Variants in IPCEF1 observed in about 807,000 individuals in gnomAD.
The protein encoded by IPCEF1 is interactor protein for cytohesin exchange factors 1.
A neutral mutation model predicts 50.9 loss-of-function variants in IPCEF1; 31 were observed. The ratio of observed to expected loss-of-function variants is 0.61; its 90% CI spans 0.46 to 0.82. IPCEF1 has a LOEUF of 0.82. Ranked by LOEUF, IPCEF1 falls within the 40% of genes least tolerant of loss-of-function variation. IPCEF1 has a pLI of 0.00. For missense variants in IPCEF1, 458 were observed against 514.0 expected (o/e 0.89, Z 1.05); for synonymous variants, 181 against 192.0 (o/e 0.94, Z 0.47).
chr6:154,193,709 T>C (rs1438925739), intron 10 of IPCEF1, among the ~76,000 whole-genome samples: 2 of 152,204 alleles, frequency 1.3e-5, no homozygotes, highest in Non-Finnish European at 2.9e-5. Flanking sequence ...GACCACATGA[T>C]AAGCAAAACA....
chr6:154,296,453 T>C (rs928140301), intron 1 of IPCEF1, among the ~76,000 whole-genome samples: 1 of 152,190 alleles, frequency 6.6e-6, no homozygotes, highest in Non-Finnish European at 1.5e-5. Context: ...TAGAGATTCA[T>C]TTTTGGCAAC....
intron 1 of IPCEF1, among the ~76,000 whole-genome samples, chr6:154,312,800 C>T (rs977943174): frequency 2.6e-5 from 4 of 152,018 alleles, no homozygotes; most frequent in Admixed American, 2.0e-4. Flanking sequence ...TGAGGTAACA[C>T]ATATGTTAAT....
At chr6:154,321,295 G>A (rs2128687383) in intron 1 of IPCEF1, among the ~76,000 whole-genome samples, 1 of 152,070 alleles carries the variant, frequency 6.6e-6, no homozygotes, top group African/African-American at 2.4e-5. Context: ...TAATTCTGAT[G>A]CTTCAAATAT....
intron 1 of IPCEF1, among the ~76,000 whole-genome samples, chr6:154,326,232 A>G (rs1050441675): frequency 1.3e-5 from 2 of 151,922 alleles, no homozygotes; most frequent in African/African-American, 2.4e-5. Flanking sequence ...AAAAAAAAAA[A>G]AAAAGAAAAG....
chr6:154,276,053 A>G (rs1197406258), intron 2 of IPCEF1, among the ~76,000 whole-genome samples: 5 of 152,082 alleles, frequency 3.3e-5, no homozygotes, highest in African/African-American at 4.8e-5. Flanking sequence ...CCATGGTGGC[A>G]GGTGCCTGTA....
intron 5 of IPCEF1, among the ~76,000 whole-genome samples, chr6:154,241,172 G>T (rs1433252137): frequency 1.3e-5 from 2 of 149,514 alleles, no homozygotes; most frequent in Non-Finnish European, 3.0e-5. Flanking sequence ...GGAGGCGGAG[G>T]TTGCAGTGAG....
intron 5 of IPCEF1, among the ~76,000 whole-genome samples, chr6:154,235,531 CAAAA>C (rs34877577): frequency 1.0e-5 from 1 of 97,586 alleles, no homozygotes; most frequent in African/African-American, 3.7e-5. Flanking sequence ...AACTCTGTCA[CAAAA>C]AAAAAAAAAA....
intron 1 of IPCEF1, among the ~76,000 whole-genome samples, chr6:154,322,688 T>C (rs1490040600): frequency 6.6e-6 from 1 of 151,744 alleles, no homozygotes; most frequent in East Asian, 1.9e-4. Context: ...AATACAAAAA[T>C]TAGCTGGGCA....
rs190766284 is a variant in IPCEF1 at position 154,167,768 on chromosome 6, A to G, written c.1104+152T>C. 1.3e-5 allele frequency: 7 copies of G among 557,732 alleles called. No individual in the cohort carries two copies. In the Admixed American group the frequency reaches 1.6e-4, roughly 13 times the overall value. 34.5% of individuals were successfully genotyped at this position (557,732 alleles called of 1,614,324 possible). A position where few individuals can be genotyped will look rare whatever the true frequency, so the allele number is the denominator to read the frequency against. On this transcript the variant is annotated intron_variant, in intron 11 of 11. Transcript: ENST00000367220. ...ATGTCCTAGTGCTTTAAGAACGTCA[A>G]GATCATCTTGCCCTATAAAGGTTAT...
At chr6:154,201,525 A>G (rs1262011019) in intron 9 of IPCEF1, among the ~76,000 whole-genome samples, 1 of 152,224 alleles carries the variant, frequency 6.6e-6, no homozygotes, top group Non-Finnish European at 1.5e-5. Flanking sequence ...ACAGCAGACA[A>G]GGTAGAGAAG....
At chr6:154,266,216 G>A (rs1781750170) in intron 2 of IPCEF1, among the ~76,000 whole-genome samples, 1 of 151,820 alleles carries the variant, frequency 6.6e-6, no homozygotes, top group Non-Finnish European at 1.5e-5. Flanking sequence ...GTGAGACCCT[G>A]TCCCTAAAAG....
chr6:154,285,625 T>C lies in IPCEF1; in HGVS notation c.-18+4088A>G, dbSNP rs75803341. On this transcript the variant is annotated intron_variant, in intron 2 of 11. Transcript: ENST00000367220. ...ATTCTTTCAGCTAGTTCCTTTTTTG[T>C]AATCTAGTTGTCCACATTCTTGTTC... Among the ~76,000 whole-genome samples the C allele has an allele frequency of 9.2e-3, 1,399 of 152,326 alleles. 55 individuals carry two copies. The East Asian group carries it at 0.11, about 12-fold the overall frequency.
chr6:154,349,753 G>GA (rs1225609588), intron 1 of IPCEF1, among the ~76,000 whole-genome samples: 4 of 151,808 alleles, frequency 2.6e-5, no homozygotes, highest in African/African-American at 4.8e-5. Flanking sequence ...GTCCAAATTT[G>GA]AAAAAATCTA....
chr6:154,352,717 C>T (rs942168290), intron 1 of IPCEF1, among the ~76,000 whole-genome samples: 1 of 152,202 alleles, frequency 6.6e-6, no homozygotes, highest in Admixed American at 6.5e-5. Context: ...TAAGGGACTC[C>T]ATGGTGACCT....
At chr6:154,226,934 C>T (rs1365816836) in intron 5 of IPCEF1, among the ~76,000 whole-genome samples, 1 of 152,222 alleles carries the variant, frequency 6.6e-6, no homozygotes, top group Non-Finnish European at 1.5e-5. Flanking sequence ...CAGTGGCTCA[C>T]GCCTGTAATC....
At position 154,160,529 on chromosome 6, in the gene IPCEF1, G is replaced by A. The variant is rs895231934; in HGVS notation, c.1105-489C>T. Among the ~76,000 whole-genome samples, 25 of 152,142 alleles carry A rather than the reference G, an allele frequency of 1.6e-4. 1 individual carries two copies. Among genetic ancestry groups the A allele is most frequent in the Admixed American group, 3.9e-4 (6 of 15,290 alleles). On this transcript the variant is annotated intron_variant, in intron 11 of 11. Transcript: ENST00000367220. ...TAATAAATCACATTTATTTAATACA[G>A]AATAAATACACAGATTATCTTTTCA...
At chr6:154,253,528 A>G (rs190782751) in intron 3 of IPCEF1, among the ~76,000 whole-genome samples, 1 of 152,340 alleles carries the variant, frequency 6.6e-6, no homozygotes, top group African/African-American at 2.4e-5. Context: ...CTACCTATTG[A>G]TGCACATTGA....
At chr6:154,350,956 G>A (rs1442391382) in intron 1 of IPCEF1, among the ~76,000 whole-genome samples, 2 of 152,134 alleles carry the variant, frequency 1.3e-5, no homozygotes, top group African/African-American at 4.8e-5. Context: ...CTGGCATCAA[G>A]CGATCCTCCC....
intron 1 of IPCEF1, among the ~76,000 whole-genome samples, chr6:154,298,961 T>G (rs1437723840): frequency 1.7e-5 from 2 of 120,322 alleles, no homozygotes; most frequent in Non-Finnish European, 3.7e-5. Flanking sequence ...AAACTCCATC[T>G]CAAAAAAAAA....
Sources: allele counts gnomAD v4.1 joint callset (sites outside exome capture counted in the v4.1 genomes callset), GRCh38; gene constraint gnomAD v4.1.1; transcripts MANE v1.5; gene names NCBI Gene and HGNC (gene_info 2026-07-23, HGNC 2026-07-21).